The following STRN variants were observed in gnomAD, a reference collection of about 807,000 sequenced individuals.
STRN encodes the protein striatin, also known as protein phosphatase 2 regulatory subunit B'''alpha.
Under a neutral mutation model 96.3 loss-of-function variants are expected in STRN, and 53 were observed. That is an observed-to-expected ratio of 0.55 (90% CI 0.44 to 0.69). STRN has a LOEUF of 0.69. Ranked by LOEUF, STRN falls within the 30% of genes least tolerant of loss-of-function variation. The pLI is 0.00. For missense variants in STRN, 987 were observed against 963.9 expected, an observed-to-expected ratio of 1.02 and a Z score of -0.32; for synonymous variants, 428 against 355.9, an observed-to-expected ratio of 1.20 and a Z score of -2.28.
intron 3 of STRN, among the ~76,000 whole-genome samples, chr2:36,909,679 G>T (rs1394206699): frequency 1.3e-5 from 2 of 151,926 alleles, no homozygotes; most frequent in Non-Finnish European, 2.9e-5. Flanking sequence ...TAGATCCAAG[G>T]AACTCAATAA....
At chr2:36,856,466 A>T (rs1668344191) in intron 14 of STRN, among the ~76,000 whole-genome samples, 1 of 152,254 alleles carries the variant, frequency 6.6e-6, no homozygotes, top group African/African-American at 2.4e-5. Context: ...AAAATGAAAG[A>T]AATAATTGAT....
At chr2:36,928,326 A>G (rs1361358936) in intron 1 of STRN, among the ~76,000 whole-genome samples, 3 of 151,168 alleles carry the variant, frequency 2.0e-5, no homozygotes, top group Non-Finnish European at 4.4e-5. Flanking sequence ...CAAAAGGAAG[A>G]AAAAAAGGGA....
At chr2:36,930,163 G>A (rs1383857810) in intron 1 of STRN, among the ~76,000 whole-genome samples, 1 of 152,136 alleles carries the variant, frequency 6.6e-6, no homozygotes, top group Non-Finnish European at 1.5e-5. Flanking sequence ...TAGGCGCGGT[G>A]GTTCATGCCT....
chr2:36,953,151 T>C (rs1342724347), intron 1 of STRN, among the ~76,000 whole-genome samples: 1 of 152,232 alleles, frequency 6.6e-6, no homozygotes, highest in Non-Finnish European at 1.5e-5. Flanking sequence ...TGAATCTTTC[T>C]GGTGAGTGAT....
intron 10 of STRN, among the ~76,000 whole-genome samples, chr2:36,875,677 G>C (rs1668886478): frequency 1.5e-5 from 2 of 130,434 alleles, no homozygotes; most frequent in Admixed American, 1.6e-4. Flanking sequence ...TTTTTTTTGA[G>C]AGGGAGTCTC....
intron 5 of STRN, 118 bp downstream of exon 5, chr2:36,902,466 T>G: frequency 1.8e-6 from 1 of 570,672 alleles, no homozygotes; most frequent in Non-Finnish European, 2.4e-6. Flanking sequence ...TTAGAATTTT[T>G]ATTAAGTTAT....
chr2:36,950,871 G>A (rs1664736976), intron 1 of STRN, among the ~76,000 whole-genome samples: 1 of 152,092 alleles, frequency 6.6e-6, no homozygotes, highest in South Asian at 2.1e-4. Context: ...GGGGAAGCAG[G>A]CTCAGAGACA....
At chr2:36,881,585 T>C (rs1249485202) in intron 9 of STRN, among the ~76,000 whole-genome samples, 1 of 152,214 alleles carries the variant, frequency 6.6e-6, no homozygotes, top group African/African-American at 2.4e-5. Flanking sequence ...TTTTTTCTAT[T>C]TCCAAAAAAC....
At chr2:36,956,043 C>T (rs994100595) in intron 1 of STRN, among the ~76,000 whole-genome samples, 2 of 152,172 alleles carry the variant, frequency 1.3e-5, no homozygotes, top group African/African-American at 4.8e-5. Context: ...CATGTCAGCA[C>T]TCAAAAAGAT....
intron 12 of STRN, chr2:36,867,467 C>T (rs1668658842): frequency 6.0e-6 from 1 of 167,716 alleles, no homozygotes; most frequent in South Asian, 1.9e-4. Context: ...TGTATCTTTC[C>T]AATTGTAGGG....
chr2:36,896,505 T>C (rs1669543734), intron 6 of STRN, among the ~76,000 whole-genome samples: 1 of 152,164 alleles, frequency 6.6e-6, no homozygotes, highest in Admixed American at 6.5e-5. Flanking sequence ...CATAGAAGGT[T>C]CCACTCCACT....
Position 36,861,203 on chromosome 2 carries a change from C to T in STRN, c.1598G>A (p.Ser533Asn), listed in dbSNP as rs1668470654. Reference protein sequence around the residue: ...VMSSNGEQCYSGGTDGLIQGW... With the variant: ...VMSSNGEQCYNGGTDGLIQGW... ...CTGGATCAGTCCATCAGTACCACCA[C>T]TGTAACACTGCTCACCATTGCTGCT... is the stretch of plus-strand genomic sequence containing the variant. Residue 533 changes from serine to asparagine, a missense_variant, in exon 13 of 18, where the codon AGT becomes AAT. Physicochemically the swap from Ser to Asn is conservative, Grantham distance 46. Coordinates refer to ENST00000263918, the MANE Select transcript of STRN (RefSeq NM_003162.4). The T allele has an allele frequency of 2.5e-6, 4 of 1,614,082 alleles. No homozygotes were observed. Among genetic ancestry groups the T allele is most frequent in the East Asian group, 2.2e-5 (1 of 44,878 alleles).
chr2:36,948,684 T>C (rs1182730702), intron 1 of STRN, among the ~76,000 whole-genome samples: 1 of 152,178 alleles, frequency 6.6e-6, no homozygotes, highest in Non-Finnish European at 1.5e-5. Context: ...AAATATTTGT[T>C]AAATTGACTG....
Position 36,839,502 on chromosome 2 carries a change from CAG to C in STRN, c.*9952_*9953del, listed in dbSNP as rs1245127906. On this transcript the variant is annotated 3_prime_UTR_variant, in exon 18 of 18. Transcript: ENST00000263918. ...AACTACATGACCAGAAGTCTGTATT[CAG>C]AGAGTGAACAAGTCATTTGCTGGAT... Among the ~76,000 whole-genome samples the C allele has an allele frequency of 2.0e-5, 3 of 152,154 alleles. No homozygotes were observed. The highest frequency in any genetic ancestry group is 2.1e-4 in the South Asian group (1 of 4,830).
chr2:36,871,635 G>C (rs986456046), intron 10 of STRN, among the ~76,000 whole-genome samples: 1 of 152,076 alleles, frequency 6.6e-6, no homozygotes, highest in African/African-American at 2.4e-5. Flanking sequence ...TCTAACAACA[G>C]CTGTTATTTT....
intron 1 of STRN, among the ~76,000 whole-genome samples, chr2:36,950,255 A>ACC (rs1664722604): frequency 2.3e-5 from 3 of 129,896 alleles, no homozygotes; most frequent in Admixed American, 9.3e-5. Context: ...TCACTCTATC[A>ACC]CCCAGACTGG....
chr2:36,895,756 C>CA lies in STRN; in HGVS notation c.796-1724dup, dbSNP rs55863837. 2.3e-3 allele frequency among the ~76,000 whole-genome samples: 304 copies of CA among 130,900 alleles called. 4 individuals carry two copies. Among genetic ancestry groups the CA allele is most frequent in the African/African-American group, 8.7e-3 (284 of 32,666 alleles). The allele number at this position is 130,900 out of a possible 152,430, so 85.9% of individuals were successfully genotyped here. ...AAAAACCCCGTCTCTACTAAAAATA[C>CA]AAAAAAAAAAAAAAAAAATTAGCGA... On this transcript the variant is annotated intron_variant, in intron 6 of 17. Coordinates refer to ENST00000263918, the MANE Select transcript of STRN (RefSeq NM_003162.4).
chr2:36,928,282 G>T (rs1670469864), intron 1 of STRN, among the ~76,000 whole-genome samples: 1 of 152,020 alleles, frequency 6.6e-6, no homozygotes, highest in Admixed American at 6.6e-5. Flanking sequence ...AATTGAGGAA[G>T]GGCGAGGGTG....
At chr2:36,944,524 G>A (rs1488184012) in intron 1 of STRN, among the ~76,000 whole-genome samples, 3 of 152,076 alleles carry the variant, frequency 2.0e-5, no homozygotes, top group Non-Finnish European at 4.4e-5. Context: ...AATGTTCCTA[G>A]TAGAAACACA....
Sources: allele counts gnomAD v4.1 joint callset (sites outside exome capture counted in the v4.1 genomes callset), GRCh38; gene constraint gnomAD v4.1.1; transcripts MANE v1.5; gene names NCBI Gene and HGNC (gene_info 2026-07-23, HGNC 2026-07-21).